Variants in MCTP2 observed in about 807,000 individuals in gnomAD.
The protein encoded by MCTP2 is multiple C2 and transmembrane domain-containing protein 2.
Under a neutral mutation model 111.6 loss-of-function variants are expected in MCTP2, and 132 were observed. That is an observed-to-expected ratio of 1.18 (90% CI 1.03 to 1.37). The LOEUF is 1.37. Ranked by LOEUF, MCTP2 falls within the 40% of genes most tolerant of loss-of-function variation. The probability of loss-of-function intolerance (pLI) is 0.00; values close to 1 mark genes in which losing one functional copy is unlikely to be tolerated. For synonymous variants in MCTP2, 395 were observed against 387.7 expected (o/e 1.02, Z -0.22); for missense variants, 1,183 against 1,067.9 (o/e 1.11, Z -1.50).
intron 1 of MCTP2, among the ~76,000 whole-genome samples, chr15:94,243,956 TATTTAC>T (rs2071417159): frequency 6.8e-6 from 1 of 147,476 alleles, no homozygotes; most frequent in Non-Finnish European, 1.5e-5. Flanking sequence ...TATGTGTATA[TATTTAC>T]ACACACATAT....
chr15:94,474,035 A>G (rs142922991), intron 21 of MCTP2, among the ~76,000 whole-genome samples: 1 of 152,064 alleles, frequency 6.6e-6, no homozygotes, highest in East Asian at 1.9e-4. Flanking sequence ...GGACCAGTAC[A>G]TGATAGCATC....
chr15:94,463,538 A>T (rs1271435252), intron 20 of MCTP2, among the ~76,000 whole-genome samples: 1 of 151,920 alleles, frequency 6.6e-6, no homozygotes, highest in Non-Finnish European at 1.5e-5. Flanking sequence ...TATAAGAATA[A>T]TTTTTTCTTC....
At chr15:94,413,292 A>G (rs376924861) in intron 17 of MCTP2, among the ~76,000 whole-genome samples, 53 of 152,206 alleles carry the variant, frequency 3.5e-4, no homozygotes, top group African/African-American at 1.3e-3. Context: ...AAAAATTCAA[A>G]TTTTCATGTT....
chr15:94,403,150 T>C, intron 17 of MCTP2: 1 of 986,364 alleles, frequency 1.0e-6, no homozygotes. Context: ...ACTGCTTCGG[T>C]GTAGAGGACC....
At chr15:94,318,288 T>A (rs1205409356) in intron 4 of MCTP2, among the ~76,000 whole-genome samples, 25 of 7,834 alleles carry the variant, frequency 3.2e-3, no homozygotes, top group East Asian at 0.011. Flanking sequence ...TTTTTTTTTT[T>A]TTTTTTTTTT....
intron 17 of MCTP2, among the ~76,000 whole-genome samples, chr15:94,424,358 A>G (rs565057485): frequency 3.3e-5 from 5 of 152,008 alleles, no homozygotes; most frequent in East Asian, 3.9e-4. Context: ...TGTAAACATC[A>G]TTATACGTAT....
intron 2 of MCTP2, among the ~76,000 whole-genome samples, chr15:94,313,838 T>A (rs2076257812): frequency 6.6e-6 from 1 of 152,220 alleles, no homozygotes; most frequent in South Asian, 2.1e-4. Flanking sequence ...GCTTGAGGAA[T>A]GTCTCTCAGA....
At chr15:94,276,862 G>C (rs1421664791) in intron 1 of MCTP2, among the ~76,000 whole-genome samples, 1 of 134,232 alleles carries the variant, frequency 7.4e-6, no homozygotes, top group South Asian at 2.3e-4. Flanking sequence ...AAAAAAAAGA[G>C]ATATGTTCTT....
intron 14 of MCTP2, among the ~76,000 whole-genome samples, chr15:94,391,285 C>A (rs2152463547): frequency 6.6e-6 from 1 of 152,174 alleles, no homozygotes; most frequent in African/African-American, 2.4e-5. Flanking sequence ...TCAATTAACT[C>A]TATTGCCCAA....
intron 1 of MCTP2, among the ~76,000 whole-genome samples, chr15:94,267,385 T>G (rs1287379555): frequency 6.6e-6 from 1 of 152,242 alleles, no homozygotes; most frequent in African/African-American, 2.4e-5. Flanking sequence ...GTTTTGTGTA[T>G]TAGAAGTACA....
At chr15:94,286,263 G>T (rs1476991457) in intron 1 of MCTP2, among the ~76,000 whole-genome samples, 1 of 152,106 alleles carries the variant, frequency 6.6e-6, no homozygotes, top group Admixed American at 6.5e-5. Flanking sequence ...AGAATAATCT[G>T]TCTATATAAT....
chr15:94,243,956 T>C (rs927930692), intron 1 of MCTP2, among the ~76,000 whole-genome samples: 7 of 147,476 alleles, frequency 4.7e-5, no homozygotes, highest in Admixed American at 4.7e-4. Context: ...TATGTGTATA[T>C]ATTTACACAC....
chr15:94,409,886 C>T (rs1312112705), intron 17 of MCTP2, among the ~76,000 whole-genome samples: 1 of 145,756 alleles, frequency 6.9e-6, no homozygotes, highest in African/African-American at 2.5e-5. Context: ...TCCCTTTCCC[C>T]CTCCCTCCCT....
intron 2 of MCTP2, among the ~76,000 whole-genome samples, chr15:94,313,216 C>T (rs963939487): frequency 6.6e-6 from 1 of 152,156 alleles, no homozygotes; most frequent in East Asian, 1.9e-4. Context: ...CTCCACTCTG[C>T]CTCTCATTGC....
At chr15:94,398,932 A>G (rs746288192) in intron 14 of MCTP2, 29 bp from the exon 15 acceptor site, 16 of 1,341,950 alleles carry the variant, frequency 1.2e-5, no homozygotes, top group African/African-American at 1.2e-4. Context: ...TTTTGCACCA[A>G]TGTGTATTTT....
rs1236284009 is a variant in MCTP2, at chr15:94,385,480, T to C, written c.1743T>C (p.Asp581=). The C allele has an allele frequency of 1.2e-6, 2 of 1,613,566 alleles. No homozygotes were observed. Among genetic ancestry groups the C allele is most frequent in the Admixed American group, 1.7e-5 (1 of 60,022 alleles). ...LEVTVFDEDG[D]KPPDFLGKVA... ...TGACAGTGTTTGATGAAGATGGAGA[T>C]AAACCCCCAGATTTTCTTGGAAAAG... The change falls in exon 14 of 23, where the codon GAT becomes GAC. Residue 581 remains aspartate (D), a synonymous_variant. Coordinates refer to ENST00000357742, the MANE Select transcript of MCTP2 (RefSeq NM_001385001.1).
At chr15:94,430,492 G>A (rs1480204016) in intron 17 of MCTP2, among the ~76,000 whole-genome samples, 1 of 150,642 alleles carries the variant, frequency 6.6e-6, no homozygotes, top group Non-Finnish European at 1.5e-5. Flanking sequence ...AGCACATTGG[G>A]AGGGTGAGGT....
intron 19 of MCTP2, 121 bp downstream of exon 19, chr15:94,443,081 C>A: frequency 3.1e-6 from 2 of 635,928 alleles, no homozygotes; most frequent in Admixed American, 3.3e-5. Flanking sequence ...ATAGAGTTAC[C>A]AGTATAGTAA....
chr15:94,302,654 G>C (rs764854111), intron 2 of MCTP2, among the ~76,000 whole-genome samples: 3 of 152,162 alleles, frequency 2.0e-5, no homozygotes, highest in Non-Finnish European at 4.4e-5. Context: ...ACAGAATTCA[G>C]TCTCCCTGAA....
Sources: gnomAD v4.1 joint callset for allele counts (sites outside exome capture counted in the v4.1 genomes callset) on GRCh38, gnomAD v4.1.1 for gene constraint, MANE v1.5 for transcripts, NCBI Gene and HGNC (gene_info 2026-07-23, HGNC 2026-07-21) for gene names.